The following COL22A1 variants were observed in gnomAD, a reference collection of about 807,000 sequenced individuals.
COL22A1 encodes collagen alpha-1(XXII) chain.
A neutral mutation model predicts 248.9 loss-of-function variants in COL22A1; 221 were observed. That is an observed-to-expected ratio of 0.89 (90% CI 0.80 to 0.99). COL22A1 has a LOEUF of 0.99. COL22A1 is among the 50% of genes least tolerant of loss of function. COL22A1 has a pLI of 0.00. For missense variants in COL22A1, 2,240 were observed against 2,179.0 expected (o/e 1.03, Z -0.56); for synonymous variants, 891 against 793.4 (o/e 1.12, Z -2.07).
At chr8:138,903,738 C>T (rs1814791928) in intron 1 of COL22A1, among the ~76,000 whole-genome samples, 2 of 152,182 alleles carry the variant, frequency 1.3e-5, no homozygotes, top group Non-Finnish European at 2.9e-5. Context: ...GAATACCCTG[C>T]TTTTTCAGCT....
Position 138,878,128 on chromosome 8 carries a change from G to A in COL22A1, c.280C>T (p.Leu94Phe), listed in dbSNP as rs1361402047. ...DRPTTAFELG[L>F]FGSQEEVKAA... ...TTGACCTCCTCCTGCGAGCCAAAGA[G>A]TCCCAACTCGAAGGCCGTGGTGGGC... Residue 94 changes from leucine (L) to phenylalanine (F), a missense_variant, in exon 3 of 65, where the codon CTC (leucine) becomes TTC (phenylalanine). By Grantham distance (22) the Leu-to-Phe change is conservative. Transcript: ENST00000303045. 1.2e-6 allele frequency: 2 copies of A among 1,605,908 alleles called. 1 individual carries two copies. The highest frequency in any genetic ancestry group is 2.2e-5 in the South Asian group (2 of 89,164).
chr8:138,701,843 T>C (rs1828002072), intron 31 of COL22A1, among the ~76,000 whole-genome samples: 1 of 152,234 alleles, frequency 6.6e-6, no homozygotes, highest in East Asian at 1.9e-4. Context: ...GATTGACTAA[T>C]AGATTTTTTC....
At chr8:138,735,516 A>G (rs1831040528) in intron 23 of COL22A1, among the ~76,000 whole-genome samples, 1 of 152,232 alleles carries the variant, frequency 6.6e-6, no homozygotes, top group Non-Finnish European at 1.5e-5. Context: ...AAACAAACAA[A>G]GAGTTGTAGG....
chr8:138,738,998 G>A (rs10090839), intron 22 of COL22A1, among the ~76,000 whole-genome samples: 8 of 152,014 alleles, frequency 5.3e-5, no homozygotes, highest in Non-Finnish European at 8.8e-5. Context: ...TTGGACCAGC[G>A]CACCATTCTC....
intron 32 of COL22A1, among the ~76,000 whole-genome samples, chr8:138,698,598 T>C (rs1267758544): frequency 6.6e-6 from 1 of 152,046 alleles, no homozygotes. Flanking sequence ...GCCCTACAGG[T>C]GAGGGAGGTG....
At chr8:138,696,722 G>A (rs116108124) in intron 32 of COL22A1, among the ~76,000 whole-genome samples, 1 of 152,296 alleles carries the variant, frequency 6.6e-6, no homozygotes, top group African/African-American at 2.4e-5. Flanking sequence ...GTGAGATTGC[G>A]TTTGCAAAGT....
At chr8:138,900,690 T>C (rs1563904415) in intron 1 of COL22A1, among the ~76,000 whole-genome samples, 1 of 152,166 alleles carries the variant, frequency 6.6e-6, no homozygotes, top group African/African-American at 2.4e-5. Flanking sequence ...CGCCCACTCT[T>C]TCACTATGCT....
chr8:138,826,190 T>C (rs1406311722), intron 6 of COL22A1, among the ~76,000 whole-genome samples: 1 of 152,190 alleles, frequency 6.6e-6, no homozygotes, highest in African/African-American at 2.4e-5. Context: ...ATTTTCCATT[T>C]TACAGCTAAG....
At chr8:138,716,534 G>A (rs555361687) in intron 28 of COL22A1, among the ~76,000 whole-genome samples, 2 of 152,124 alleles carry the variant, frequency 1.3e-5, no homozygotes, top group African/African-American at 4.8e-5. Context: ...GCCTCTCCTG[G>A]TGTCTAACCC....
At chr8:138,862,361 C>T (rs565121578) in intron 3 of COL22A1, among the ~76,000 whole-genome samples, 2 of 152,322 alleles carry the variant, frequency 1.3e-5, no homozygotes, top group Non-Finnish European at 2.9e-5. Context: ...TGCCCCACTC[C>T]AGTCCTCTAC....
intron 23 of COL22A1, among the ~76,000 whole-genome samples, chr8:138,725,782 CACACACACACACACACAT>C (rs1209100833): frequency 6.6e-6 from 1 of 151,036 alleles, no homozygotes; most frequent in African/African-American, 2.4e-5. Context: ...CACACACACA[CACACACACACACACACAT>C]AGTCTGACCC....
chr8:138,883,044 T>C (rs1824359933), intron 2 of COL22A1, 38 bp downstream of exon 2: 2 of 1,520,610 alleles, frequency 1.3e-6, no homozygotes, highest in Non-Finnish European at 1.8e-6. Context: ...GTCTGCTCTG[T>C]CCCCAGCACA....
At chr8:138,882,648 T>C (rs1425648928) in intron 2 of COL22A1, among the ~76,000 whole-genome samples, 1 of 139,440 alleles carries the variant, frequency 7.2e-6, no homozygotes, top group Non-Finnish European at 1.5e-5. Context: ...ACTCTCACAC[T>C]CCCTCACACA....
At chr8:138,622,966 G>T (rs1423049419) in intron 52 of COL22A1, among the ~76,000 whole-genome samples, 1 of 151,846 alleles carries the variant, frequency 6.6e-6, no homozygotes, top group African/African-American at 2.4e-5. Context: ...GACCTAAGAG[G>T]TGCTAGGAAC....
intron 35 of COL22A1, among the ~76,000 whole-genome samples, chr8:138,691,830 GTGT>G (rs1826964474): frequency 2.0e-3 from 68 of 33,360 alleles, no homozygotes; most frequent in Non-Finnish European, 2.1e-3. Flanking sequence ...TTGTGGAGGT[GTGT>G]GTATGTGGAG....
intron 2 of COL22A1, among the ~76,000 whole-genome samples, chr8:138,881,052 C>A (rs982327834): frequency 1.8e-4 from 28 of 152,202 alleles, no homozygotes; most frequent in Admixed American, 1.2e-3. Flanking sequence ...TTGATTCCGC[C>A]AAGGCAGGGG....
chr8:138,692,468 T>TGGAG (rs1564202698), intron 35 of COL22A1, among the ~76,000 whole-genome samples: 10 of 6,578 alleles, frequency 1.5e-3, no homozygotes, highest in Non-Finnish European at 8.5e-4. Flanking sequence ...AGTGCATGTG[T>TGGAG]GTGTGTGTGT....
At chr8:138,743,402 G>A (rs776313919) in intron 22 of COL22A1, among the ~76,000 whole-genome samples, 2 of 151,916 alleles carry the variant, frequency 1.3e-5, no homozygotes, top group Admixed American at 1.3e-4. Context: ...GATTGTGATG[G>A]TGGAGTTGAT....
At chr8:138,723,531 T>C (rs1830063725) in intron 25 of COL22A1, among the ~76,000 whole-genome samples, 1 of 152,192 alleles carries the variant, frequency 6.6e-6, no homozygotes, top group Non-Finnish European at 1.5e-5. Context: ...CTCTGAATGT[T>C]CACACCGATC....
Sources: allele counts gnomAD v4.1 joint callset (sites outside exome capture counted in the v4.1 genomes callset), GRCh38; gene constraint gnomAD v4.1.1; transcripts MANE v1.5; gene names NCBI Gene and HGNC (gene_info 2026-07-23, HGNC 2026-07-21).